Variants in ITFG2 observed in about 807,000 individuals in gnomAD.
ITFG2 encodes integrin alpha FG-GAP repeat containing 2, also known as KICSTOR complex protein ITFG2.
In ITFG2, 36 loss-of-function variants were observed where a neutral mutation model predicts 54.4. The observed-to-expected ratio is 0.66, with a 90% CI of 0.51 to 0.87. ITFG2 has a LOEUF of 0.87. Ranked by LOEUF, ITFG2 falls within the 40% of genes least tolerant of loss-of-function variation. ITFG2 has a pLI of 0.00. For missense variants in ITFG2, 524 were observed against 576.7 expected (o/e 0.91, Z 0.94); for synonymous variants, 211 against 225.4 (o/e 0.94, Z 0.57).
Position 2,820,817 on chromosome 12 carries a change from T to C in ITFG2, c.640T>C (p.Trp214Arg). ...GCAYAILLCT[W>R]KKDTGSPPAS... ...TGCGTATGCAATTCTACTGTGTACC[T>C]GGAAAAAGGACACTGGGTCCCCTCC... The change falls in exon 6 of 12, where the codon TGG becomes CGG. Residue 214 changes from tryptophan (W) to arginine (R), a missense_variant. Transcript: ENST00000228799. 6.2e-7 allele frequency: 1 copy of C among 1,614,002 alleles called. No individual in the cohort carries two copies. Among genetic ancestry groups the C allele is most frequent in the Non-Finnish European group, 8.5e-7 (1 of 1,179,946 alleles).
intron 2 of ITFG2, chr12:2,857,018 A>C: frequency 1.4e-6 from 1 of 702,968 alleles, no homozygotes; most frequent in Non-Finnish European, 2.6e-6. Context: ...TTTGCCGGTT[A>C]CTGGCCATTC....
intron 2 of ITFG2, among the ~76,000 whole-genome samples, chr12:2,843,314 A>G (rs1331673138): frequency 1.3e-5 from 2 of 152,214 alleles, no homozygotes; most frequent in Non-Finnish European, 2.9e-5. Flanking sequence ...TGCTGCCAGG[A>G]GAGCACACCT....
chr12:2,823,743 C>T (rs2097954260), intron 10 of ITFG2, 27 bp from the exon 11 acceptor site: 1 of 1,525,136 alleles, frequency 6.6e-7, no homozygotes, highest in Non-Finnish European at 8.8e-7. Flanking sequence ...ACTTCCTGAC[C>T]TTTATCTCCC....
intron 1 of ITFG2, 62 bp downstream of exon 1, chr12:2,812,918 G>A (rs2097912545): frequency 3.6e-6 from 5 of 1,396,960 alleles, no homozygotes; most frequent in Non-Finnish European, 4.0e-6. Flanking sequence ...CAAGGGAAGT[G>A]GAAGAGGCCG....
chr12:2,818,197 C>A lies in ITFG2; in HGVS notation c.326C>A (p.Thr109Lys). ...TTGGATGCTTCTGGGCACCACGAGA[C>A]ACTAATCGGAGAGGAGCAGCGTCCA... ...KVLDASGHHE[T>K]LIGEEQRPVF... Residue 109 changes from threonine (T) to lysine (K), a missense_variant, in exon 4 of 12, where the codon ACA becomes AAA. Coordinates refer to ENST00000228799, the MANE Select transcript of ITFG2 (RefSeq NM_018463.4). The A allele has an allele frequency of 6.2e-7, 1 of 1,614,138 alleles. No individual in the cohort carries two copies. Among genetic ancestry groups the A allele is most frequent in the Non-Finnish European group, 8.5e-7 (1 of 1,180,044 alleles).
Position 2,816,264 on chromosome 12 carries a change from C to A in ITFG2, c.97-959C>A, listed in dbSNP as rs151153521. On this transcript the variant is annotated intron_variant, in intron 1 of 11. Coordinates refer to ENST00000228799, the MANE Select transcript of ITFG2 (RefSeq NM_018463.4). The stretch of plus-strand genomic sequence containing the variant: ...CAGGCTGGTCTCGAACTCCTGACCT[C>A]ATGTGATCCACCCGCCTCGGCCTCC... Among the ~76,000 whole-genome samples, 146 of 151,552 alleles carry A rather than the reference C, an allele frequency of 9.6e-4. 3 individuals are homozygous for A. In the East Asian group the frequency reaches 0.024, roughly 25 times the overall value.
Position 2,858,319 on chromosome 12 carries a change from A to G in ITFG2, n.608A>G. ...TACTATTTACACGGACCACCCTGCAAAGATCAGGGAAGGTAAGAGACTGCT... is the reference window on the plus strand; with the variant it reads ...TACTATTTACACGGACCACCCTGCAGAGATCAGGGAAGGTAAGAGACTGCT... On this transcript the variant is annotated non_coding_transcript_exon_variant, in exon 3 of 4. Transcript: ENST00000537710. 3 of 329,266 alleles carry G rather than the reference A, an allele frequency of 9.1e-6. No homozygotes were observed. The South Asian group carries it at 2.1e-4, about 23-fold the overall frequency. 20.4% of individuals were successfully genotyped at this position (329,266 alleles called of 1,614,324 possible). A position where few individuals can be genotyped will look rare whatever the true frequency, so the allele number is the denominator to read the frequency against.
chr12:2,837,825 T>G (rs1259389622), intron 1 of ITFG2, among the ~76,000 whole-genome samples: 1 of 152,144 alleles, frequency 6.6e-6, no homozygotes, highest in East Asian at 1.9e-4. Flanking sequence ...CGAGACACTG[T>G]CTCTAAAAGA....
At chr12:2,849,477 C>T (rs1333337861) in intron 2 of ITFG2, 1 of 1,536,030 alleles carries the variant, frequency 6.5e-7, no homozygotes, top group East Asian at 2.4e-5. Context: ...TGGGCATGAG[C>T]TGGAGGCCCT....
chr12:2,823,662 C>T, intron 10 of ITFG2, 108 bp from the exon 11 acceptor site: 1 of 1,331,674 alleles, frequency 7.5e-7, no homozygotes, highest in Non-Finnish European at 1.0e-6. Context: ...TTCCTGACAT[C>T]AGTGGGAGGA....
chr12:2,859,075 TG>T (rs1165484041), intron 3 of ITFG2: 1 of 1,607,874 alleles, frequency 6.2e-7, no homozygotes. Context: ...TCAGGGGTTC[TG>T]GGGAGGACAG....
At chr12:2,842,036 G>T (rs1242585393) in intron 2 of ITFG2, among the ~76,000 whole-genome samples, 15 of 149,174 alleles carry the variant, frequency 1.0e-4, no homozygotes, top group African/African-American at 2.7e-4. Flanking sequence ...TAATATTTTT[G>T]ATCTATTGGG....
At chr12:2,820,660 C>CCCCCT in intron 5 of ITFG2, 64 bp from the exon 6 acceptor site, 1 of 1,227,976 alleles carries the variant, frequency 8.1e-7, no homozygotes, top group Non-Finnish European at 1.2e-6. Context: ...CGCCCCCTGC[C>CCCCCT]GTTCTCTGCA....
chr12:2,852,787 C>T (rs1355823617), intron 2 of ITFG2, among the ~76,000 whole-genome samples: 1 of 151,982 alleles, frequency 6.6e-6, no homozygotes, highest in Non-Finnish European at 1.5e-5. Flanking sequence ...GGCCTGAGGT[C>T]GGGAGTTCAA....
chr12:2,812,931 C>T (rs1020172852), intron 1 of ITFG2, 75 bp downstream of exon 1: 1 of 1,289,726 alleles, frequency 7.8e-7, no homozygotes, highest in Non-Finnish European at 1.1e-6. Context: ...AGAGGCCGCC[C>T]GAGCGTGCCA....
chr12:2,834,576 GC>G (rs940070249), upstream of ITFG2: 47 of 1,518,070 alleles, frequency 3.1e-5, no homozygotes, highest in African/African-American at 4.9e-4. Flanking sequence ...CCTGCCTCCT[GC>G]TCAGGATCTG....
At chr12:2,837,459 C>T (rs1056410560) in intron 1 of ITFG2, among the ~76,000 whole-genome samples, 11 of 151,392 alleles carry the variant, frequency 7.3e-5, no homozygotes, top group Non-Finnish European at 1.3e-4. Context: ...GCCTAGGCGA[C>T]AGAGAGAGAC....
chr12:2,858,734 G>A (rs964344748), intron 3 of ITFG2: 1 of 1,614,196 alleles, frequency 6.2e-7, no homozygotes, highest in South Asian at 1.1e-5. Context: ...GCAGGATCTT[G>A]CTGAGGCTGT....
chr12:2,817,751 G>A, intron 2 of ITFG2, 158 bp from the exon 3 acceptor site: 2 of 672,520 alleles, frequency 3.0e-6, no homozygotes, highest in South Asian at 2.1e-5. Flanking sequence ...CTACAGCACA[G>A]TAACGCCGTT....
Sources: allele counts gnomAD v4.1 joint callset (sites outside exome capture counted in the v4.1 genomes callset), GRCh38; gene constraint gnomAD v4.1.1; transcripts MANE v1.5; gene names NCBI Gene and HGNC (gene_info 2026-07-23, HGNC 2026-07-21).